CDH8: variants seen among roughly 807,000 people sequenced by gnomAD.
CDH8 encodes cadherin 8, also known as cadherin-8.
A neutral mutation model predicts 68.1 loss-of-function variants in CDH8; 17 were observed. The ratio of observed to expected loss-of-function variants is 0.25; its 90% CI spans 0.17 to 0.37. The LOEUF (loss-of-function observed/expected upper bound fraction) is 0.37, where lower values mean the gene tolerates loss of function less well. Among genes scored for constraint, CDH8 ranks in the 10% least tolerant of loss-of-function variants. The pLI is 1.00. For missense variants in CDH8, 763 were observed against 999.3 expected (o/e 0.76, Z 3.19); for synonymous variants, 372 against 365.1 (o/e 1.02, Z -0.21).
At chr16:61,689,551 C>A (rs1964176931) in intron 10 of CDH8, among the ~76,000 whole-genome samples, 1 of 151,950 alleles carries the variant, frequency 6.6e-6, no homozygotes, top group Admixed American at 6.6e-5. Context: ...TTAGCCTCAA[C>A]CTCACCATGT....
intron 2 of CDH8, among the ~76,000 whole-genome samples, chr16:61,909,202 G>A (rs1964118437): frequency 6.6e-6 from 1 of 152,152 alleles, no homozygotes; most frequent in African/African-American, 2.4e-5. Context: ...GCTGGTGTGA[G>A]CGTTGAACAG....
intron 3 of CDH8, among the ~76,000 whole-genome samples, chr16:61,896,676 C>T (rs988532490): frequency 1.3e-5 from 2 of 152,156 alleles, no homozygotes; most frequent in Non-Finnish European, 2.9e-5. Context: ...TTCCTTTAAC[C>T]AGAGAGGCTG....
chr16:61,653,248 T>C lies in CDH8; in HGVS notation c.*360A>G, dbSNP rs1314339258. The C allele has an allele frequency of 9.3e-6, 11 of 1,178,834 alleles. No individual in the cohort carries two copies. Among genetic ancestry groups the C allele is most frequent in the Non-Finnish European group, 6.3e-6 (6 of 956,908 alleles). 73.0% of individuals were successfully genotyped at this position (1,178,834 alleles called of 1,614,324 possible). A position where few individuals can be genotyped will look rare whatever the true frequency, so the allele number is the denominator to read the frequency against. ...CAGCAGCAGATTCCTTGCAGGTCCG[T>C]ATTTTTTTTTCTAAGAAAGCACCTT... On this transcript the variant is annotated 3_prime_UTR_variant, in exon 12 of 12. Transcript: ENST00000577390.
chr16:61,673,547 T>A (rs546985333), intron 10 of CDH8, among the ~76,000 whole-genome samples: 19 of 152,302 alleles, frequency 1.2e-4, no homozygotes, highest in Non-Finnish European at 2.2e-4. Flanking sequence ...TCTTGTTTAG[T>A]TATTGTACTT....
intron 2 of CDH8, among the ~76,000 whole-genome samples, chr16:61,939,822 T>C (rs1420561803): frequency 6.6e-6 from 1 of 152,206 alleles, no homozygotes; most frequent in Non-Finnish European, 1.5e-5. Flanking sequence ...ACTAACGGAC[T>C]ATCTGCCATT....
At chr16:61,812,641 T>C (rs1453764367) in intron 7 of CDH8, among the ~76,000 whole-genome samples, 3 of 152,218 alleles carry the variant, frequency 2.0e-5, no homozygotes, top group African/African-American at 7.2e-5. Context: ...TTATTTCTAG[T>C]ATCTGTTCTG....
At chr16:61,675,738 A>G (rs2142788399) in intron 10 of CDH8, among the ~76,000 whole-genome samples, 1 of 151,858 alleles carries the variant, frequency 6.6e-6, no homozygotes, top group African/African-American at 2.4e-5. Flanking sequence ...ATAAAATATG[A>G]GATGAGAGCA....
intron 10 of CDH8, among the ~76,000 whole-genome samples, chr16:61,671,103 C>A (rs78743515): frequency 3.3e-5 from 5 of 151,606 alleles, no homozygotes; most frequent in African/African-American, 1.2e-4. Context: ...TAAACTGATG[C>A]CAAGTGAAAA....
At position 61,652,682 on chromosome 16, in the gene CDH8, G is replaced by T; in HGVS notation, c.*926C>A. The T allele has an allele frequency of 3.3e-6, 4 of 1,219,460 alleles. No homozygotes were observed. Among genetic ancestry groups the T allele is most frequent in the Non-Finnish European group, 3.1e-6 (3 of 966,598 alleles). The allele number at this position is 1,219,460 out of a possible 1,614,324, so 75.5% of individuals were successfully genotyped here. On this transcript the variant is annotated 3_prime_UTR_variant, in exon 12 of 12. Transcript: ENST00000577390. ...AAGGATTATTAATGGATATAATTTA[G>T]TTTTTTCCCATATATCCCCTTAATC...
chr16:61,676,157 AAC>A, intron 10 of CDH8, among the ~76,000 whole-genome samples: 2 of 150,948 alleles, frequency 1.3e-5, no homozygotes, highest in Non-Finnish European at 1.5e-5. Flanking sequence ...AAAAAAAAAA[AAC>A]CACAACGTTT....
intron 4 of CDH8, among the ~76,000 whole-genome samples, chr16:61,834,573 A>C (rs1224598351): frequency 1.3e-5 from 2 of 151,938 alleles, no homozygotes; most frequent in Non-Finnish European, 2.9e-5. Context: ...TATATTCTCA[A>C]GAATACTCAA....
Position 61,821,001 on chromosome 16 carries a change from G to A in CDH8, c.948C>T (p.Ile316=), listed in dbSNP as rs768073729. The change falls in exon 6 of 12, where the codon ATC becomes ATT. Residue 316 remains isoleucine, a synonymous_variant. Transcript: ENST00000577390. ...GENAQSSYDI[I]DGDGTALFEI... ...CAAAAAGTGCTGTTCCATCTCCATC[G>A]ATGATATCATATGATGACTGTGCAT... The A allele has an allele frequency of 3.6e-5, 58 of 1,612,484 alleles. 1 individual carries two copies. The Admixed American group carries it at 5.0e-4, about 14-fold the overall frequency.
rs1567546872 is a variant in CDH8 at position 61,960,408 on chromosome 16, T to TGTGTGTGTGTATACACATACATATATAC, written c.253-58936_253-58935insGTATATATGTATGTGTATACACACACAC. On this transcript the variant is annotated intron_variant, in intron 2 of 11. Coordinates refer to ENST00000577390, the MANE Select transcript of CDH8 (RefSeq NM_001796.5). ...GTGTGTATACACATACATATATACA[T>TGTGTGTGTGTATACACATACATATATAC]ATATGTGTGTGTGTATACACATACA... is the stretch of plus-strand genomic sequence containing the variant. 3.4e-4 allele frequency among the ~76,000 whole-genome samples: 39 copies of TGTGTGTGTGTATACACATACATATATAC among 115,614 alleles called. 4 individuals carry two copies. Among genetic ancestry groups the TGTGTGTGTGTATACACATACATATATAC allele is most frequent in the Admixed American group, 6.7e-4 (8 of 11,894 alleles). The allele number at this position is 115,614 out of a possible 152,430, so 75.8% of individuals were successfully genotyped here. A position where few individuals can be genotyped will look rare whatever the true frequency, so the allele number is the denominator to read the frequency against.
chr16:61,855,348 G>A (rs1241387645), intron 4 of CDH8, among the ~76,000 whole-genome samples: 1 of 152,122 alleles, frequency 6.6e-6, no homozygotes, highest in Non-Finnish European at 1.5e-5. Context: ...TCACTTAGCA[G>A]GGGGCTTTTA....
chr16:61,953,478 A>C (rs2143598215), intron 2 of CDH8, among the ~76,000 whole-genome samples: 1 of 152,192 alleles, frequency 6.6e-6, no homozygotes, highest in African/African-American at 2.4e-5. Context: ...TATGAAGAGA[A>C]CATTACAAAT....
At chr16:61,893,372 G>A (rs1361442408) in intron 3 of CDH8, among the ~76,000 whole-genome samples, 1 of 151,900 alleles carries the variant, frequency 6.6e-6, no homozygotes, top group African/African-American at 2.4e-5. Flanking sequence ...CAAGTTTTGG[G>A]GAACGCTATC....
intron 3 of CDH8, among the ~76,000 whole-genome samples, chr16:61,875,417 C>T (rs573408485): frequency 1.4e-4 from 21 of 152,150 alleles, no homozygotes; most frequent in Non-Finnish European, 2.8e-4. Context: ...AGAAGCTACA[C>T]TTTAACTGAT....
Position 62,021,266 on chromosome 16 carries a change from T to A in CDH8, c.138A>T (p.Leu46=), listed in dbSNP as rs1221747927. The change falls in exon 2 of 12, where the codon CTA becomes CTT. Residue 46 remains leucine (L), a synonymous_variant. Transcript: ENST00000577390. ...QVLMSGSPLE[L]NSLGEEQRIL... ...TTCGCTGTTCTTCACCCAGACTGTT[T>A]AGTTCCAAAGGGGATCCACTCATTA... 4 of 1,614,032 alleles carry A rather than the reference T, an allele frequency of 2.5e-6. No individual in the cohort carries two copies. The highest frequency in any genetic ancestry group is 3.4e-6 in the Non-Finnish European group (4 of 1,179,946).
In CDH8 at chr16:61,808,109, C is replaced by T. The variant is rs188960100; in HGVS notation, c.1277+9370G>A. The stretch of plus-strand genomic sequence containing the variant: ...TATTTTTCATATCCTTTGCTGAAAA[C>T]CTAGTGTCATACAGAAGAATGCATA... On this transcript the variant is annotated intron_variant, in intron 7 of 11. Coordinates refer to ENST00000577390, the MANE Select transcript of CDH8 (RefSeq NM_001796.5). Among the ~76,000 whole-genome samples the T allele has an allele frequency of 2.4e-4, 37 of 152,166 alleles. 1 individual carries two copies. Among genetic ancestry groups the T allele is most frequent in the Admixed American group, 7.2e-4 (11 of 15,274 alleles).
Sources: gnomAD v4.1 joint callset for allele counts (sites outside exome capture counted in the v4.1 genomes callset) on GRCh38, gnomAD v4.1.1 for gene constraint, MANE v1.5 for transcripts, NCBI Gene and HGNC (gene_info 2026-07-23, HGNC 2026-07-21) for gene names.